IL17F: variants seen among roughly 807,000 people sequenced by gnomAD.
IL17F encodes the protein interleukin-17F.
IL17F carries 6 observed loss-of-function variants against 8.3 expected under a neutral mutation model. The ratio of observed to expected loss-of-function variants is 0.73; its 90% confidence interval spans 0.40 to 1.43. The LOEUF (loss-of-function observed/expected upper bound fraction) is 1.43, where lower values mean the gene tolerates loss of function less well. IL17F is among the 40% of genes most tolerant of loss of function. The pLI is 0.02. For synonymous variants in IL17F, 98 were observed against 81.6 expected, an observed-to-expected ratio of 1.20 and a Z score of -1.08; for missense variants, 204 against 209.6, an observed-to-expected ratio of 0.97 and a Z score of 0.17.
chr6:52,244,938 T>C (rs10948689), upstream of IL17F, among the ~76,000 whole-genome samples: 9,265 of 152,296 alleles, frequency 0.061, 403 homozygotes, highest in Non-Finnish European at 0.095. Flanking sequence ...CTCCATTTTA[T>C]GAATGGGAAA....
At chr6:52,243,146 A>G (rs545521232) in intron 1 of IL17F, among the ~76,000 whole-genome samples, 1 of 152,362 alleles carries the variant, frequency 6.6e-6, no homozygotes, top group African/African-American at 2.4e-5. Flanking sequence ...ACATAAATAT[A>G]AAATAAAACA....
intron 1 of IL17F, chr6:52,239,175 G>A (rs550653204): frequency 3.7e-6 from 2 of 547,120 alleles, no homozygotes; most frequent in Admixed American, 6.2e-5. Context: ...GCCCTCCATA[G>A]TCTAAAAGCT....
Sources: gnomAD v4.1 joint callset for allele counts (sites outside exome capture counted in the v4.1 genomes callset) on GRCh38, gnomAD v4.1.1 for gene constraint, MANE v1.5 for transcripts, NCBI Gene and HGNC (gene_info 2026-07-23, HGNC 2026-07-21) for gene names.